SPOCK1: variants seen among roughly 807,000 people sequenced by gnomAD.
The protein encoded by SPOCK1 is testican-1.
In SPOCK1, 23 loss-of-function variants were observed where a neutral mutation model predicts 55.3. That is an observed-to-expected ratio of 0.42 (90% CI 0.30 to 0.59). SPOCK1 has a LOEUF of 0.59. SPOCK1 is among the 20% of genes least tolerant of loss of function. The pLI, the probability that SPOCK1 is intolerant of heterozygous loss-of-function variation, is 0.22. For missense variants in SPOCK1, 499 were observed against 552.5 expected (o/e 0.90, Z 0.97); for synonymous variants, 226 against 221.0 (o/e 1.02, Z -0.20).
At chr5:137,257,588 C>T (rs1273090960) in intron 3 of SPOCK1, among the ~76,000 whole-genome samples, 2 of 152,178 alleles carry the variant, frequency 1.3e-5, no homozygotes, top group South Asian at 2.1e-4. Flanking sequence ...GTAGGCCACC[C>T]GGTCTATGGT....
chr5:137,345,156 G>A (rs900855402), intron 2 of SPOCK1, among the ~76,000 whole-genome samples: 1 of 152,224 alleles, frequency 6.6e-6, no homozygotes, highest in Non-Finnish European at 1.5e-5. Flanking sequence ...TCTGCCTAAT[G>A]TAACTTGTAT....
At chr5:137,003,458 T>G (rs4434375) in intron 6 of SPOCK1, among the ~76,000 whole-genome samples, 119,036 of 152,102 alleles carry the variant, frequency 0.78, 48,172 homozygotes, top group South Asian at 0.94. Flanking sequence ...ATCTGTTTAA[T>G]CTATTCCACT....
chr5:137,132,398 T>A (rs1311532130), intron 4 of SPOCK1, among the ~76,000 whole-genome samples: 1 of 152,138 alleles, frequency 6.6e-6, no homozygotes, highest in South Asian at 2.1e-4. Flanking sequence ...TAGGCACACC[T>A]ACCTCAACCT....
chr5:137,480,235 G>A (rs1360335163), intron 2 of SPOCK1, among the ~76,000 whole-genome samples: 1 of 151,678 alleles, frequency 6.6e-6, no homozygotes, highest in East Asian at 1.9e-4. Context: ...GCCCATACAT[G>A]TTTGGTAAAC....
At chr5:137,170,587 T>TTCTC (rs56347412) in intron 3 of SPOCK1, among the ~76,000 whole-genome samples, 4,742 of 142,522 alleles carry the variant, frequency 0.033, 84 homozygotes, top group East Asian at 0.049. Context: ...AGCCTGTTAT[T>TTCTC]TCTCTCTCTC....
At chr5:137,356,167 G>A (rs950108040) in intron 2 of SPOCK1, among the ~76,000 whole-genome samples, 1 of 152,154 alleles carries the variant, frequency 6.6e-6, no homozygotes, top group Non-Finnish European at 1.5e-5. Context: ...GTGCAGGTTG[G>A]ATTAGGCTGA....
At chr5:137,455,502 G>A (rs956543041) in intron 2 of SPOCK1, among the ~76,000 whole-genome samples, 4 of 152,136 alleles carry the variant, frequency 2.6e-5, no homozygotes, top group African/African-American at 9.7e-5. Flanking sequence ...GCTTCTTGGA[G>A]CCTAAATAAA....
At chr5:137,456,736 C>T (rs2149836238) in intron 2 of SPOCK1, among the ~76,000 whole-genome samples, 1 of 152,292 alleles carries the variant, frequency 6.6e-6, no homozygotes, top group South Asian at 2.1e-4. Context: ...GGGACTATGA[C>T]AGAAGTCTGT....
chr5:136,994,711 T>C (rs1255283845), intron 6 of SPOCK1, among the ~76,000 whole-genome samples: 2 of 151,298 alleles, frequency 1.3e-5, no homozygotes, highest in African/African-American at 4.9e-5. Flanking sequence ...TATATGGCTA[T>C]TTACATTAAT....
intron 2 of SPOCK1, among the ~76,000 whole-genome samples, chr5:137,455,974 G>C (rs775811939): frequency 6.6e-6 from 1 of 152,104 alleles, no homozygotes; most frequent in Non-Finnish European, 1.5e-5. Context: ...GGTACAGTGA[G>C]CTATGATCAC....
intron 2 of SPOCK1, among the ~76,000 whole-genome samples, chr5:137,493,271 C>A (rs1419706235): frequency 6.6e-6 from 1 of 152,190 alleles, no homozygotes; most frequent in East Asian, 1.9e-4. Flanking sequence ...TATTTAATTA[C>A]TAACATTATT....
chr5:137,090,196 T>G (rs1753028827), intron 5 of SPOCK1, among the ~76,000 whole-genome samples: 1 of 152,234 alleles, frequency 6.6e-6, no homozygotes, highest in Admixed American at 6.5e-5. Flanking sequence ...GAAGAAGGGT[T>G]GAGCCTGCCT....
chr5:137,318,218 T>TC (rs1013944052), intron 2 of SPOCK1, among the ~76,000 whole-genome samples: 1 of 152,106 alleles, frequency 6.6e-6, no homozygotes, highest in African/African-American at 2.4e-5. Context: ...TGATGAGCTG[T>TC]CCCCCCGCTG....
At chr5:137,309,610 A>G (rs373057748) in intron 2 of SPOCK1, among the ~76,000 whole-genome samples, 3 of 152,320 alleles carry the variant, frequency 2.0e-5, no homozygotes, top group African/African-American at 7.2e-5. Context: ...TGAGTGCGCT[A>G]TAACCTGATT....
rs1246759162 is a variant in SPOCK1 at position 137,233,740 on chromosome 5, G to A, written c.232+33270C>T. On this transcript the variant is annotated intron_variant, in intron 3 of 10. Coordinates refer to ENST00000394945, the MANE Select transcript of SPOCK1 (RefSeq NM_004598.4). Reference sequence around the variant, plus strand: ...TTTTTTTTTTTTTTTTTTTTTTTTGGTTATTGATCTTGTATCCTGTGACTT... The same window carrying A: ...TTTTTTTTTTTTTTTTTTTTTTTTGATTATTGATCTTGTATCCTGTGACTT... Among the ~76,000 whole-genome samples, 315 of 61,904 alleles carry A rather than the reference G, an allele frequency of 5.1e-3. 5 individuals carry two copies. Among genetic ancestry groups the A allele is most frequent in the Non-Finnish European group, 8.0e-3 (255 of 31,732 alleles). 40.6% of individuals were successfully genotyped at this position (61,904 alleles called of 152,430 possible). A position where few individuals can be genotyped will look rare whatever the true frequency, so the allele number is the denominator to read the frequency against.
chr5:137,362,330 C>CTTT (rs745634969), intron 2 of SPOCK1, among the ~76,000 whole-genome samples: 41 of 136,630 alleles, frequency 3.0e-4, no homozygotes, highest in Admixed American at 7.6e-4. Context: ...CGTCAGCAAC[C>CTTT]TTTTTTTTTT....
chr5:137,438,053 G>A (rs564096222), intron 2 of SPOCK1, among the ~76,000 whole-genome samples: 1 of 152,178 alleles, frequency 6.6e-6, no homozygotes, highest in Non-Finnish European at 1.5e-5. Context: ...TAGCATAATG[G>A]CCCCAAGGTT....
intron 7 of SPOCK1, among the ~76,000 whole-genome samples, chr5:136,990,838 C>T (rs1445995118): frequency 2.6e-5 from 4 of 152,112 alleles, no homozygotes; most frequent in Admixed American, 1.3e-4. Context: ...AAAAGTCAAG[C>T]GCAGCCCACC....
chr5:137,201,826 C>T (rs1755431812), intron 3 of SPOCK1, among the ~76,000 whole-genome samples: 1 of 152,178 alleles, frequency 6.6e-6, no homozygotes, highest in African/African-American at 2.4e-5. Context: ...ACTCTATCAA[C>T]TCTGAGGGGC....
Sources: allele counts gnomAD v4.1 joint callset (sites outside exome capture counted in the v4.1 genomes callset), GRCh38; gene constraint gnomAD v4.1.1; transcripts MANE v1.5; gene names NCBI Gene and HGNC (gene_info 2026-07-23, HGNC 2026-07-21).